SMARCB1: variants seen among roughly 807,000 people sequenced by gnomAD.
The protein encoded by SMARCB1 is SWI/SNF-related matrix-associated actin-dependent regulator of chromatin subfamily B member 1.
A neutral mutation model predicts 49.0 loss-of-function variants in SMARCB1; 5 were observed. The ratio of observed to expected loss-of-function variants is 0.10; its 90% CI spans 0.05 to 0.21. SMARCB1 has a LOEUF of 0.21. Ranked by LOEUF, SMARCB1 falls within the 10% of genes least tolerant of loss-of-function variation. The probability of loss-of-function intolerance (pLI) is 1.00; values close to 1 mark genes in which losing one functional copy is unlikely to be tolerated. For synonymous variants in SMARCB1, 201 were observed against 200.1 expected, an observed-to-expected ratio of 1.00 and a Z score of -0.04; for missense variants, 226 against 509.2, an observed-to-expected ratio of 0.44 and a Z score of 5.35.
At chr22:23,794,511 C>T (rs1212772093) in intron 3 of SMARCB1, among the ~76,000 whole-genome samples, 1 of 152,014 alleles carries the variant, frequency 6.6e-6, no homozygotes, top group Non-Finnish European at 1.5e-5. Context: ...GACCTCATTT[C>T]TTAAAAAAAC....
chr22:23,826,462 C>T (rs986802924), intron 7 of SMARCB1, among the ~76,000 whole-genome samples: 6 of 151,624 alleles, frequency 4.0e-5, no homozygotes, highest in Admixed American at 3.3e-4. Context: ...TGAACTCTCC[C>T]GGCTCAGCAG....
chr22:23,800,353 T>C (rs1929063767), intron 3 of SMARCB1, among the ~76,000 whole-genome samples: 1 of 152,260 alleles, frequency 6.6e-6, no homozygotes, highest in African/African-American at 2.4e-5. Context: ...CTGTGGAAGC[T>C]GAGAGGCCAG....
intron 5 of SMARCB1, chr22:23,803,825 C>G (rs1239626164): frequency 9.0e-6 from 3 of 333,938 alleles, no homozygotes; most frequent in African/African-American, 6.4e-5. Flanking sequence ...CTCTCCTCCT[C>G]TAACTGGTCA....
At chr22:23,799,121 G>A (rs912139239) in intron 3 of SMARCB1, among the ~76,000 whole-genome samples, 7 of 151,816 alleles carry the variant, frequency 4.6e-5, no homozygotes, top group Admixed American at 2.6e-4. Flanking sequence ...AAGTGGTTGC[G>A]CAGGTGTTGG....
At chr22:23,816,712 C>T in intron 5 of SMARCB1, 58 bp from the exon 6 acceptor site, 7 of 1,506,002 alleles carry the variant, frequency 4.6e-6, no homozygotes, top group Middle Eastern at 3.4e-4. Flanking sequence ...TGAGGGAGGC[C>T]GGTCCATGCC....
chr22:23,798,720 G>A (rs563401949), intron 3 of SMARCB1, among the ~76,000 whole-genome samples: 1 of 152,226 alleles, frequency 6.6e-6, no homozygotes, highest in South Asian at 2.1e-4. Context: ...AAGGACCTTT[G>A]TGCTGTCTTC....
In SMARCB1 at chr22:23,791,857, A is replaced by C. The variant is rs748690005; in HGVS notation, c.195A>C (p.Ala65=). 1 of 1,614,198 alleles carries C rather than the reference A, an allele frequency of 6.2e-7. No individual in the cohort carries two copies. Among genetic ancestry groups the C allele is most frequent in the Non-Finnish European group, 8.5e-7 (1 of 1,179,992 alleles). Residue 65 remains alanine (A), a synonymous_variant, in exon 2 of 9, where the codon GCA becomes GCC. Coordinates refer to ENST00000644036, the MANE Select transcript of SMARCB1 (RefSeq NM_003073.5). ...ATVEERKKIV[A]SSHGKKTKPN... The stretch of plus-strand genomic sequence containing the variant: ...TGGAAGAGAGGAAGAAAATAGTTGC[A>C]TCGTCACATGGTAAAAAAACAAAAC...
At chr22:23,796,464 G>A (rs1395687655) in intron 3 of SMARCB1, among the ~76,000 whole-genome samples, 1 of 152,184 alleles carries the variant, frequency 6.6e-6, no homozygotes, top group African/African-American at 2.4e-5. Flanking sequence ...AACAAAGTAT[G>A]CATTTCTCTG....
intron 3 of SMARCB1, 75 bp from the exon 4 acceptor site, chr22:23,800,869 G>A: frequency 2.7e-6 from 3 of 1,125,786 alleles, no homozygotes; most frequent in Non-Finnish European, 4.1e-6. Context: ...GGCATCCCTG[G>A]AGCATTAGTT....
Position 23,837,719 on chromosome 22 carries a change from G to A in SMARCB1, c.*3539G>A, listed in dbSNP as rs950920056. 2 of 1,614,042 alleles carry A rather than the reference G, an allele frequency of 1.2e-6. No individual in the cohort carries two copies. Among genetic ancestry groups the A allele is most frequent in the South Asian group, 2.2e-5 (2 of 91,090 alleles). On this transcript the variant is annotated 3_prime_UTR_variant, in exon 9 of 9. Coordinates refer to ENST00000644036, the MANE Select transcript of SMARCB1 (RefSeq NM_003073.5). Reference sequence around the variant, plus strand: ...AGCGAGAAGCCCATGAGCGCCCAAGGCAGGAACGGTGCCTGGAAAGTGAGC... The same window carrying A: ...AGCGAGAAGCCCATGAGCGCCCAAGACAGGAACGGTGCCTGGAAAGTGAGC...
At position 23,836,212 on chromosome 22, in the gene SMARCB1, A is replaced by G. The variant is rs1393332964; in HGVS notation, c.*2032A>G. On this transcript the variant is annotated 3_prime_UTR_variant, in exon 9 of 9. Coordinates refer to ENST00000644036, the MANE Select transcript of SMARCB1 (RefSeq NM_003073.5). ...AAACTTAGGCTCTGAGGTCATAGAA[A>G]GGGCAGAAGACCTAGTCCTGGCCCT... is the stretch of plus-strand genomic sequence containing the variant. 1.0e-6 allele frequency: 1 copy of G among 985,370 alleles called. No individual in the cohort carries two copies. The highest frequency in any genetic ancestry group is 1.2e-6 in the Non-Finnish European group (1 of 829,948). 61.0% of individuals were successfully genotyped at this position (985,370 alleles called of 1,614,324 possible).
chr22:23,831,450 A>G (rs1038245349), intron 7 of SMARCB1, among the ~76,000 whole-genome samples: 3 of 152,108 alleles, frequency 2.0e-5, no homozygotes, highest in African/African-American at 7.2e-5. Flanking sequence ...AAGCCCGTGA[A>G]CCAGAATTCC....
At chr22:23,833,196 C>T (rs1420496045) in intron 7 of SMARCB1, among the ~76,000 whole-genome samples, 1 of 152,160 alleles carries the variant, frequency 6.6e-6, no homozygotes, top group East Asian at 1.9e-4. Flanking sequence ...AGCAGACAGT[C>T]CTCCTGCCCC....
At chr22:23,799,035 G>A (rs1396056616) in intron 3 of SMARCB1, among the ~76,000 whole-genome samples, 3 of 148,834 alleles carry the variant, frequency 2.0e-5, no homozygotes, top group Admixed American at 1.3e-4. Context: ...AGGCGACAGA[G>A]CGAGACTCCA....
chr22:23,797,377 T>C (rs1255495131), intron 3 of SMARCB1, among the ~76,000 whole-genome samples: 7 of 143,212 alleles, frequency 4.9e-5, no homozygotes, highest in South Asian at 2.3e-4. Flanking sequence ...GGCGCCATCT[T>C]GGCTCACTGC....
At chr22:23,823,467 A>T (rs11703462) in intron 6 of SMARCB1, 2 of 152,242 alleles carry the variant, frequency 1.3e-5, no homozygotes, top group Non-Finnish European at 2.9e-5. Context: ...GCCCGACTGC[A>T]GTCCCCATTG....
At position 23,822,957 on chromosome 22, in the gene SMARCB1, CTTTTTTTTTTTTTTTTTTTTTT is replaced by C. The variant is rs58056758; in HGVS notation, c.796-2248_796-2227del. Among the ~76,000 whole-genome samples, 405 of 72,738 alleles carry C rather than the reference CTTTTTTTTTTTTTTTTTTTTTT, an allele frequency of 5.6e-3. 4 individuals are homozygous for C. Among genetic ancestry groups the C allele is most frequent in the Middle Eastern group, 0.037 (5 of 136 alleles). The allele number at this position is 72,738 out of a possible 152,430, so 47.7% of individuals were successfully genotyped here. ...TCTGTCAGTGCCCCCACCAGCATAG[CTTTTTTTTTTTTTTTTTTTTTT>C]TTTTTTTTTTTTTTTTTTTGACACA... On this transcript the variant is annotated intron_variant, in intron 6 of 8. Coordinates refer to ENST00000644036, the MANE Select transcript of SMARCB1 (RefSeq NM_003073.5).
chr22:23,794,194 G>C (rs1355791498), intron 3 of SMARCB1, among the ~76,000 whole-genome samples: 1 of 152,210 alleles, frequency 6.6e-6, no homozygotes, highest in African/African-American at 2.4e-5. Flanking sequence ...CGCCCGCCTT[G>C]GCATCCCAGA....
At chr22:23,809,279 T>C (rs2145994185) in intron 5 of SMARCB1, among the ~76,000 whole-genome samples, 1 of 149,996 alleles carries the variant, frequency 6.7e-6, no homozygotes, top group Admixed American at 6.7e-5. Context: ...GACATTCTTT[T>C]TTTTTTTTTT....
Sources: allele counts gnomAD v4.1 joint callset (sites outside exome capture counted in the v4.1 genomes callset), GRCh38; gene constraint gnomAD v4.1.1; transcripts MANE v1.5; gene names NCBI Gene and HGNC (gene_info 2026-07-23, HGNC 2026-07-21).